GATAD2A: variants seen among roughly 807,000 people sequenced by gnomAD.
The protein encoded by GATAD2A is GATA zinc finger domain containing 2A.
Under a neutral mutation model 68.5 loss-of-function variants are expected in GATAD2A, and 12 were observed. That is an observed-to-expected ratio of 0.18 (90% CI 0.11 to 0.28). The LOEUF (loss-of-function observed/expected upper bound fraction) is 0.28, where lower values mean the gene tolerates loss of function less well. Among genes scored for constraint, GATAD2A ranks in the 10% least tolerant of loss-of-function variants. GATAD2A has a pLI of 1.00. For synonymous variants in GATAD2A, 410 were observed against 375.3 expected (o/e 1.09, Z -1.07); for missense variants, 755 against 868.5 (o/e 0.87, Z 1.64).
intron 1 of GATAD2A, chr19:19,457,166 A>T (rs1424544915): frequency 1.0e-6 from 1 of 985,370 alleles, no homozygotes; most frequent in Non-Finnish European, 1.2e-6. Flanking sequence ...ACTCTTGCAG[A>T]AGTGGGGCCA....
chr19:19,443,523 GATAA>G (rs2055348249), intron 1 of GATAD2A, among the ~76,000 whole-genome samples: 1 of 152,182 alleles, frequency 6.6e-6, no homozygotes, highest in South Asian at 2.1e-4. Flanking sequence ...GTTCTGTAGA[GATAA>G]ATACTGACCC....
At chr19:19,463,473 A>C (rs1378494438) in intron 1 of GATAD2A, among the ~76,000 whole-genome samples, 1 of 150,186 alleles carries the variant, frequency 6.7e-6, no homozygotes, top group East Asian at 2.0e-4. Context: ...CCTGGGCTCC[A>C]TTCCACGGAG....
chr19:19,433,998 C>T (rs769761630), intron 1 of GATAD2A, among the ~76,000 whole-genome samples: 4 of 152,214 alleles, frequency 2.6e-5, no homozygotes, highest in Admixed American at 2.6e-4. Flanking sequence ...GCCTTGAACT[C>T]CTGAGCTCAA....
rs538964256 is a variant in GATAD2A, at chr19:19,429,381, G to A, written c.-7+23362G>A. 3.0e-5 allele frequency: 7 copies of A among 233,706 alleles called. No homozygotes were observed. The East Asian group carries it at 1.1e-3, about 37-fold the overall frequency. The allele number at this position is 233,706 out of a possible 1,614,324, so 14.5% of individuals were successfully genotyped here. ...GCACGGGGAGTAGGCAGGCGTGCTG[G>A]GTCTGAGGAATTGAAAGGAGGCCAG... On this transcript the variant is annotated intron_variant, in intron 1 of 11. Coordinates refer to ENST00000683918, the MANE Select transcript of GATAD2A (RefSeq NM_001384528.1).
At chr19:19,451,812 C>G (rs1259183232) in intron 1 of GATAD2A, among the ~76,000 whole-genome samples, 1 of 152,180 alleles carries the variant, frequency 6.6e-6, no homozygotes, top group East Asian at 1.9e-4. Flanking sequence ...AACTACTGTT[C>G]TTTTGTTCAG....
chr19:19,454,701 G>A (rs1055368952), intron 1 of GATAD2A, among the ~76,000 whole-genome samples: 2 of 151,248 alleles, frequency 1.3e-5, no homozygotes, highest in African/African-American at 2.4e-5. Flanking sequence ...CTCCCAAAGA[G>A]TTGGGATTAC....
intron 1 of GATAD2A, among the ~76,000 whole-genome samples, chr19:19,451,349 C>G (rs2056371760): frequency 6.6e-6 from 1 of 152,174 alleles, no homozygotes; most frequent in Non-Finnish European, 1.5e-5. Flanking sequence ...CCACTGCACT[C>G]CAGCTGGATG....
At chr19:19,503,927 C>T (rs912659901) in intron 11 of GATAD2A, among the ~76,000 whole-genome samples, 1 of 152,164 alleles carries the variant, frequency 6.6e-6, no homozygotes, top group African/African-American at 2.4e-5. Flanking sequence ...ACTCTTAGGG[C>T]CAGACATGCT....
At chr19:19,474,945 T>C (rs949811031) in intron 2 of GATAD2A, among the ~76,000 whole-genome samples, 12 of 152,214 alleles carry the variant, frequency 7.9e-5, no homozygotes, top group African/African-American at 2.9e-4. Flanking sequence ...CTTGTCCCTC[T>C]TTGATGGAAG....
Position 19,502,363 on chromosome 19 carries a change from G to A in GATAD2A, c.1611G>A (p.Thr537=), listed in dbSNP as rs756713106. Residue 537 remains threonine (T), a synonymous_variant, in exon 11 of 12, where the codon ACG becomes ACA. Coordinates refer to ENST00000683918, the MANE Select transcript of GATAD2A (RefSeq NM_001384528.1). ...GCCAGCTGTCCCGGGGTTCGGCCAC[G>A]ACGCCCCGAGGTGTCCTGCACACGT... ...ASSQLSRGSA[T]TPRGVLHTFS... 5.6e-6 allele frequency: 9 copies of A among 1,612,862 alleles called. No individual in the cohort carries two copies. The highest frequency in any genetic ancestry group is 3.3e-5 in the South Asian group (3 of 91,028).
At chr19:19,497,809 C>T (rs2060250892) in intron 7 of GATAD2A, among the ~76,000 whole-genome samples, 2 of 152,162 alleles carry the variant, frequency 1.3e-5, no homozygotes, top group South Asian at 4.1e-4. Context: ...GAGCCCTATC[C>T]AGCAGTTGTG....
At chr19:19,471,021 C>T (rs1003433686) in intron 2 of GATAD2A, among the ~76,000 whole-genome samples, 3 of 152,056 alleles carry the variant, frequency 2.0e-5, no homozygotes, top group South Asian at 2.1e-4. Context: ...ATTGGGAGGC[C>T]GAGGCAGGCG....
chr19:19,483,052 G>T (rs374439744), intron 2 of GATAD2A, among the ~76,000 whole-genome samples: 1 of 152,136 alleles, frequency 6.6e-6, no homozygotes, highest in Non-Finnish European at 1.5e-5. Flanking sequence ...GGGCTGTTGC[G>T]TTCCTAGAAG....
At chr19:19,445,326 A>G (rs1208598072) in intron 1 of GATAD2A, among the ~76,000 whole-genome samples, 1 of 152,116 alleles carries the variant, frequency 6.6e-6, no homozygotes, top group African/African-American at 2.4e-5. Context: ...TTAGTATTTT[A>G]GTAGCTCTAG....
At chr19:19,440,273 T>C in intron 1 of GATAD2A, 1 of 240,730 alleles carries the variant, frequency 4.2e-6, no homozygotes, top group Non-Finnish European at 8.0e-6. Flanking sequence ...TTTATTTTTA[T>C]TTATTTATTT....
intron 1 of GATAD2A, among the ~76,000 whole-genome samples, chr19:19,439,237 G>C (rs1366337847): frequency 6.6e-6 from 1 of 152,258 alleles, no homozygotes; most frequent in Non-Finnish European, 1.5e-5. Context: ...GTCTGCCCTT[G>C]AATTTGGCCT....
intron 1 of GATAD2A, among the ~76,000 whole-genome samples, chr19:19,448,733 G>A (rs947643987): frequency 6.6e-6 from 1 of 152,022 alleles, no homozygotes; most frequent in African/African-American, 2.4e-5. Flanking sequence ...CAAATGATCC[G>A]CCCGCCTCAG....
chr19:19,439,399 A>G (rs1337309280), intron 1 of GATAD2A, among the ~76,000 whole-genome samples: 1 of 152,222 alleles, frequency 6.6e-6, no homozygotes, highest in Non-Finnish European at 1.5e-5. Context: ...CAGTCTTTCT[A>G]ATATAAGAAT....
intron 1 of GATAD2A, among the ~76,000 whole-genome samples, chr19:19,420,216 T>C (rs1230941907): frequency 7.3e-6 from 1 of 136,974 alleles, no homozygotes; most frequent in African/African-American, 2.8e-5. Context: ...AGAGACGGGG[T>C]TTCACCATGT....
Sources: gnomAD v4.1 joint callset for allele counts (sites outside exome capture counted in the v4.1 genomes callset) on GRCh38, gnomAD v4.1.1 for gene constraint, MANE v1.5 for transcripts, NCBI Gene and HGNC (gene_info 2026-07-23, HGNC 2026-07-21) for gene names.